Variants in RANBP2 observed in about 807,000 individuals in gnomAD.
The protein encoded by RANBP2 is RAN binding protein 2.
RANBP2 carries 57 observed loss-of-function variants against 303.6 expected under a neutral mutation model. The observed-to-expected ratio is 0.19, with a 90% CI of 0.15 to 0.23. The LOEUF is 0.23. Among genes scored for constraint, RANBP2 ranks in the 10% least tolerant of loss-of-function variants. The probability of loss-of-function intolerance (pLI) is 1.00; values close to 1 mark genes in which losing one functional copy is unlikely to be tolerated. For synonymous variants in RANBP2, 1,167 were observed against 1,301.5 expected, an observed-to-expected ratio of 0.90 and a Z score of 2.23; for missense variants, 3,138 against 3,780.8, an observed-to-expected ratio of 0.83 and a Z score of 4.46.
rs573712778 is a variant in RANBP2 at position 108,743,746 on chromosome 2, A to G, written c.976-2965A>G. 3.3e-4 allele frequency among the ~76,000 whole-genome samples: 51 copies of G among 152,312 alleles called. 1 individual carries two copies. In the South Asian group the frequency reaches 9.9e-3, roughly 30 times the overall value. ...CTGCTTTTAAAAAATATTGTGCCTC[A>G]ATGTGGGTGTGCTTTACCTATTGCC... On this transcript the variant is annotated intron_variant, in intron 7 of 28. Coordinates refer to ENST00000283195, the MANE Select transcript of RANBP2 (RefSeq NM_006267.5).
chr2:109,526,707 G>C, the RANBP2 span, among the ~76,000 whole-genome samples: 2 of 152,222 alleles, frequency 1.3e-5, no homozygotes, highest in African/African-American at 4.8e-5. Flanking sequence ...TCTGGCACAG[G>C]GGGCTCACCG....
the RANBP2 span, chr2:109,613,027 T>A: frequency 1.9e-6 from 1 of 522,592 alleles, no homozygotes; most frequent in Admixed American, 2.3e-5. Context: ...CCACCAATGT[T>A]TACTATCAAA....
chr2:109,450,437 A>C, the RANBP2 span, among the ~76,000 whole-genome samples: 529 of 152,348 alleles, frequency 3.5e-3, 2 homozygotes, highest in South Asian at 9.5e-3. Context: ...CAGGATGAGA[A>C]TCCAGACTTC....
chr2:109,714,235 T>A, the RANBP2 span, among the ~76,000 whole-genome samples: 1 of 152,106 alleles, frequency 6.6e-6, no homozygotes. Flanking sequence ...ATAGGCACGT[T>A]GCATTACACC....
At chr2:109,125,921 C>A in the RANBP2 span, among the ~76,000 whole-genome samples, 1,276 of 152,318 alleles carry the variant, frequency 8.4e-3, 30 homozygotes, top group African/African-American at 0.029. Flanking sequence ...CCAATTTGAC[C>A]ACACATTTAT....
intron 23 of RANBP2, among the ~76,000 whole-genome samples, chr2:108,773,345 C>T (rs776295319): frequency 2.0e-5 from 3 of 151,870 alleles, no homozygotes; most frequent in South Asian, 4.2e-4. Context: ...TCTCGAACTC[C>T]GGACCTCAGG....
the RANBP2 span, among the ~76,000 whole-genome samples, chr2:109,584,819 C>T: frequency 6.6e-6 from 1 of 151,916 alleles, no homozygotes; most frequent in Non-Finnish European, 1.5e-5. Context: ...ATAAGCCCTG[C>T]CTGAAAATTA....
chr2:108,929,642 A>G, the RANBP2 span, among the ~76,000 whole-genome samples: 2 of 152,182 alleles, frequency 1.3e-5, no homozygotes, highest in African/African-American at 4.8e-5. Context: ...AGCTGCTGGA[A>G]TGCCCAGGCA....
chr2:109,478,724 T>C, the RANBP2 span, among the ~76,000 whole-genome samples: 1 of 152,130 alleles, frequency 6.6e-6, no homozygotes. Flanking sequence ...AGCTCGTAGG[T>C]AAGATCTTCT....
rs759773068 is a variant in RANBP2, at chr2:108,765,768, A to T, written c.5229A>T (p.Lys1743Asn). Residue 1743 changes from lysine (K) to asparagine (N), a missense_variant, in exon 20 of 29, where the codon AAA (lysine) becomes AAT (asparagine). Lys to Asn is a moderately conservative substitution (Grantham distance 94). Around this residue, in one of 20 missense-constraint regions of RANBP2, gnomAD observed 348 missense variants for 360.4 expected, o/e 0.97. Transcript: ENST00000283195. ...TAAGAAATGAAGCCAGTGCTACCAA[A>T]TGTATTGCTTGTCAGTGTCCAAGTA... The part of the protein sequence containing the change: ...CLVRNEASAT[K>N]CIACQCPSKQ... The T allele has an allele frequency of 6.8e-6, 11 of 1,613,834 alleles. 1 individual carries two copies. In the South Asian group the frequency reaches 1.2e-4, roughly 18 times the overall value.
At chr2:108,906,234 C>T in the RANBP2 span, 5 of 1,545,864 alleles carry the variant, frequency 3.2e-6, no homozygotes, top group Non-Finnish European at 4.5e-6. Context: ...TCACAGGAGC[C>T]TCAGGGCTCC....
the RANBP2 span, among the ~76,000 whole-genome samples, chr2:108,837,972 A>G: frequency 6.6e-6 from 1 of 151,968 alleles, no homozygotes; most frequent in Non-Finnish European, 1.5e-5. Flanking sequence ...GTAGGAAGAC[A>G]GGAGTCAAGG....
the RANBP2 span, chr2:108,857,021 C>T: frequency 5.2e-6 from 3 of 581,382 alleles, no homozygotes; most frequent in South Asian, 2.6e-5. Context: ...ATTTTTCTGT[C>T]TTTATCTTGT....
At chr2:109,172,777 A>G in the RANBP2 span, among the ~76,000 whole-genome samples, 1 of 152,260 alleles carries the variant, frequency 6.6e-6, no homozygotes, top group East Asian at 1.9e-4. Context: ...ACCAAACTGC[A>G]TGTGGGTTAC....
the RANBP2 span, among the ~76,000 whole-genome samples, chr2:109,082,608 T>A: frequency 6.6e-6 from 1 of 152,044 alleles, no homozygotes. Context: ...CTAGCACCCC[T>A]TTTTAAAACA....
chr2:108,739,281 C>T (rs1374663558), intron 6 of RANBP2, among the ~76,000 whole-genome samples: 1 of 151,976 alleles, frequency 6.6e-6, no homozygotes, highest in Non-Finnish European at 1.5e-5. Context: ...CACGCACTTA[C>T]AGTCCCAGCT....
the RANBP2 span, among the ~76,000 whole-genome samples, chr2:109,257,713 G>C: frequency 2.6e-5 from 4 of 152,120 alleles, no homozygotes; most frequent in Admixed American, 1.3e-4. Flanking sequence ...GAAGTAGACA[G>C]TTAGAGCTCC....
the RANBP2 span, among the ~76,000 whole-genome samples, chr2:109,075,441 G>C: frequency 1.3e-5 from 2 of 150,386 alleles, 1 homozygote; most frequent in Non-Finnish European, 3.0e-5. Flanking sequence ...GGCCAGGCTG[G>C]TCTCGAACTG....
intron 2 of RANBP2, among the ~76,000 whole-genome samples, chr2:108,730,033 T>C (rs576205825): frequency 1.3e-5 from 2 of 151,412 alleles, no homozygotes; most frequent in East Asian, 3.9e-4. Context: ...GGCAGGCTTT[T>C]AAAGGCATCC....
Sources: gnomAD v4.1 joint callset for allele counts (sites outside exome capture counted in the v4.1 genomes callset) on GRCh38, gnomAD v4.1.1 for gene constraint, gnomAD v4.1.1 regional missense constraint, MANE v1.5 for transcripts, NCBI Gene and HGNC (gene_info 2026-07-23, HGNC 2026-07-21) for gene names.